The following SETD7 variants were observed in gnomAD, a reference collection of about 807,000 sequenced individuals.
SETD7 encodes histone-lysine N-methyltransferase SETD7.
A neutral mutation model predicts 41.8 loss-of-function variants in SETD7; 16 were observed. The ratio of observed to expected loss-of-function variants is 0.38; its 90% CI spans 0.26 to 0.58. The LOEUF is 0.58. Ranked by LOEUF, SETD7 falls within the 20% of genes least tolerant of loss-of-function variation. The probability of loss-of-function intolerance (pLI) is 0.64; values close to 1 mark genes in which losing one functional copy is unlikely to be tolerated. For missense variants in SETD7, 346 were observed against 459.7 expected, an observed-to-expected ratio of 0.75 and a Z score of 2.26; for synonymous variants, 163 against 169.7, an observed-to-expected ratio of 0.96 and a Z score of 0.31.
chr4:139,532,765 T>C, intron 3 of SETD7: 1 of 248,474 alleles, frequency 4.0e-6, no homozygotes, highest in African/African-American at 2.3e-5. Context: ...AATTAAAAAT[T>C]GCTGGACTGG....
rs1377955831 is a variant in SETD7, at chr4:139,517,807, A to G, written c.920+78T>C. ...TGAAGCAGCCTTTATCTGAGGCAGA[A>G]TAACACTTTTTACTGCCCTCCTCCG... On this transcript the variant is annotated intron_variant, in intron 7 of 7. Coordinates refer to ENST00000274031, the MANE Select transcript of SETD7 (RefSeq NM_030648.4). The G allele has an allele frequency of 4.1e-6, 6 of 1,460,092 alleles. No homozygotes were observed. In the African/African-American group the frequency reaches 8.5e-5, roughly 21 times the overall value. 90.4% of individuals were successfully genotyped at this position (1,460,092 alleles called of 1,614,324 possible).
At chr4:139,554,432 A>G (rs1233518885) in intron 1 of SETD7, among the ~76,000 whole-genome samples, 2 of 152,242 alleles carry the variant, frequency 1.3e-5, no homozygotes, top group Admixed American at 6.5e-5. Flanking sequence ...GTTTGTATTT[A>G]ATTTTTACAA....
chr4:139,528,298 G>A (rs1727388804), intron 4 of SETD7, among the ~76,000 whole-genome samples: 1 of 152,228 alleles, frequency 6.6e-6, no homozygotes. Context: ...CTCCACGCAA[G>A]ATGTTGGGCT....
At position 139,546,930 on chromosome 4, in the gene SETD7, A is replaced by G; in HGVS notation, c.160T>C (p.Phe54Leu). ...EKNGRGKFFF[F>L]DGSTLEGYYV... ...AACTGTGAGTGCTACCTGCCATCAA[A>G]GAAGAAGAACTTCCCCCGTCCGTTC... The change falls in exon 2 of 8, where the codon TTT becomes CTT. Residue 54 changes from phenylalanine to leucine, a missense_variant. Transcript: ENST00000274031. The G allele has an allele frequency of 1.2e-6, 2 of 1,614,208 alleles. No homozygotes were observed. Among genetic ancestry groups the G allele is most frequent in the Non-Finnish European group, 1.7e-6 (2 of 1,180,012 alleles).
Position 139,520,342 on chromosome 4 carries a change from T to C in SETD7, c.697A>G (p.Lys233Glu), listed in dbSNP as rs1727145821. 6.2e-7 allele frequency: 1 copy of C among 1,610,970 alleles called. No individual in the cohort carries two copies. Among genetic ancestry groups the C allele is most frequent in the African/African-American group, 1.3e-5 (1 of 74,806 alleles). ...ACAGTATTAGGTCCCACAGCTACCT[T>C]TGAAAAAAGTCCTTCTCCAGCACTG... The part of the protein sequence containing the change: ...ISSAGEGLFS[K>E]VAVGPNTVMS... The change falls in exon 6 of 8, where the codon AAG (lysine) becomes GAG (glutamate). Residue 233 changes from lysine to glutamate, a missense_variant. Transcript: ENST00000274031.
At chr4:139,496,337 T>A (rs1307412532) in exon 8 of SETD7, 1 of 700,616 alleles carries the variant, frequency 1.4e-6, no homozygotes, top group Non-Finnish European at 2.6e-6. Context: ...TTCATTCCAT[T>A]CGCTTTTATC....
intron 5 of SETD7, among the ~76,000 whole-genome samples, chr4:139,521,039 T>G (rs1027323275): frequency 3.3e-5 from 5 of 152,204 alleles, no homozygotes; most frequent in Non-Finnish European, 7.3e-5. Flanking sequence ...AAGGCAGAAT[T>G]GAGTAGTTGC....
chr4:139,552,516 G>C (rs1387499998), intron 1 of SETD7, among the ~76,000 whole-genome samples: 1 of 152,122 alleles, frequency 6.6e-6, no homozygotes, highest in Non-Finnish European at 1.5e-5. Flanking sequence ...TCTTCCCGGA[G>C]TGGAGCCTTG....
chr4:139,552,790 G>A (rs13114662), intron 1 of SETD7, among the ~76,000 whole-genome samples: 1 of 152,050 alleles, frequency 6.6e-6, no homozygotes, highest in Non-Finnish European at 1.5e-5. Flanking sequence ...TTTCCCCTTT[G>A]ACTTCCCTAA....
At chr4:139,497,370 G>A (rs1455630874) in intron 7 of SETD7, among the ~76,000 whole-genome samples, 2 of 151,714 alleles carry the variant, frequency 1.3e-5, no homozygotes, top group Non-Finnish European at 2.9e-5. Flanking sequence ...TAGGAGAATC[G>A]CTTAAACACG....
Position 139,506,928 on chromosome 4 carries a change from A to ATAGTCTTCCAGAGCT in SETD7, c.*4720_*4734dup, listed in dbSNP as rs1726719367. ...GGTTGGAAGTTTGGTGCTTGGGTGC[A>ATAGTCTTCCAGAGCT]TAGTCTTCCAGAGCTGAGACAGGAA... On this transcript the variant is annotated 3_prime_UTR_variant, in exon 8 of 8. Transcript: ENST00000274031. 2.0e-5 allele frequency: 3 copies of ATAGTCTTCCAGAGCT among 152,776 alleles called. No individual in the cohort carries two copies. The highest frequency in any genetic ancestry group is 7.2e-5 in the African/African-American group (3 of 41,578). The allele number at this position is 152,776 out of a possible 1,614,324, so 9.5% of individuals were successfully genotyped here. A position where few individuals can be genotyped will look rare whatever the true frequency, so the allele number is the denominator to read the frequency against.
intron 1 of SETD7, among the ~76,000 whole-genome samples, chr4:139,551,571 A>G (rs1042519318): frequency 3.9e-5 from 6 of 152,092 alleles, no homozygotes; most frequent in Non-Finnish European, 8.8e-5. Flanking sequence ...TCTCAATCTC[A>G]GCAAAGTAAA....
intron 7 of SETD7, among the ~76,000 whole-genome samples, chr4:139,516,246 C>T (rs1579203959): frequency 6.6e-6 from 1 of 150,982 alleles, no homozygotes; most frequent in South Asian, 2.1e-4. Context: ...CGGGTGGATC[C>T]CCTGAGGTCA....
downstream of SETD7, among the ~76,000 whole-genome samples, chr4:139,495,120 A>G (rs1201719485): frequency 6.6e-6 from 1 of 152,194 alleles, no homozygotes; most frequent in Non-Finnish European, 1.5e-5. Context: ...TTGGATGGAA[A>G]TATCTCCAAG....
At chr4:139,522,309 T>G (rs1242169306) in intron 5 of SETD7, among the ~76,000 whole-genome samples, 1 of 152,124 alleles carries the variant, frequency 6.6e-6, no homozygotes. Flanking sequence ...TTTCAGATAG[T>G]ACGCTTATTC....
chr4:139,510,143 T>A lies in SETD7; in HGVS notation c.*1520A>T, dbSNP rs1428552667. The A allele has an allele frequency of 6.6e-6, 1 of 152,398 alleles. No individual in the cohort carries two copies. 9.4% of individuals were successfully genotyped at this position (152,398 alleles called of 1,614,324 possible). ...TCACTCTTCTTCCACTGAAGCCTTCTCTCATCAGCTGGAGCTCACTATCTG... is the reference window on the plus strand; with the variant it reads ...TCACTCTTCTTCCACTGAAGCCTTCACTCATCAGCTGGAGCTCACTATCTG... On this transcript the variant is annotated 3_prime_UTR_variant, in exon 8 of 8. Transcript: ENST00000274031.
chr4:139,495,006 G>A (rs1726428008), downstream of SETD7, among the ~76,000 whole-genome samples: 1 of 152,210 alleles, frequency 6.6e-6, no homozygotes, highest in African/African-American at 2.4e-5. Flanking sequence ...GCCAGAATAT[G>A]ACATTATAGA....
In SETD7 at chr4:139,511,614, A is replaced by G; in HGVS notation, c.*49T>C. ...TCCCATTGTCAGATAAACGTAGTGC[A>G]TAGATCCAAGTTTCTATTCCAGGTC... is the stretch of plus-strand genomic sequence containing the variant. On this transcript the variant is annotated 3_prime_UTR_variant, in exon 8 of 8. Coordinates refer to ENST00000274031, the MANE Select transcript of SETD7 (RefSeq NM_030648.4). 6.2e-7 allele frequency: 1 copy of G among 1,611,738 alleles called. No individual in the cohort carries two copies. Among genetic ancestry groups the G allele is most frequent in the African/African-American group, 1.3e-5 (1 of 74,852 alleles).
chr4:139,515,646 G>A (rs1188652370), intron 7 of SETD7, among the ~76,000 whole-genome samples: 1 of 152,198 alleles, frequency 6.6e-6, no homozygotes, highest in East Asian at 1.9e-4. Context: ...CATGACACAT[G>A]TCCTTTGCCA....
Sources: allele counts gnomAD v4.1 joint callset (sites outside exome capture counted in the v4.1 genomes callset), GRCh38; gene constraint gnomAD v4.1.1; transcripts MANE v1.5; gene names NCBI Gene and HGNC (gene_info 2026-07-23, HGNC 2026-07-21).